The following WDR62 variants were observed in gnomAD, a reference collection of about 807,000 sequenced individuals.
The protein encoded by WDR62 is WD repeat domain 62.
In WDR62, 112 loss-of-function variants were observed where a neutral mutation model predicts 160.6. The observed-to-expected ratio is 0.70, with a 90% confidence interval of 0.60 to 0.82. The LOEUF is 0.82. Ranked by LOEUF, WDR62 falls within the 40% of genes least tolerant of loss-of-function variation. The pLI, the probability that WDR62 is intolerant of heterozygous loss-of-function variation, is 0.00. For missense variants in WDR62, 1,819 were observed against 1,983.8 expected (o/e 0.92, Z 1.58); for synonymous variants, 792 against 815.1 (o/e 0.97, Z 0.48).
At chr19:36,064,420 C>T (rs560903435) in intron 3 of WDR62, among the ~76,000 whole-genome samples, 19 of 152,128 alleles carry the variant, frequency 1.2e-4, no homozygotes, top group African/African-American at 4.3e-4. Context: ...GGACTACAGG[C>T]GCCCACCACC....
intron 20 of WDR62, among the ~76,000 whole-genome samples, chr19:36,094,858 C>T (rs1013309865): frequency 2.0e-5 from 3 of 152,002 alleles, no homozygotes; most frequent in African/African-American, 7.3e-5. Flanking sequence ...GTACCAAGAC[C>T]CCGTTCCTAC....
At chr19:36,092,142 C>G (rs1052989065) in intron 18 of WDR62, among the ~76,000 whole-genome samples, 1 of 151,874 alleles carries the variant, frequency 6.6e-6, no homozygotes, top group African/African-American at 2.4e-5. Flanking sequence ...GAAACTGTGT[C>G]TCTACTAAAA....
In WDR62 at chr19:36,104,727, C is replaced by T. The variant is rs202178135; in HGVS notation, c.4312-41C>T. 3.5e-5 allele frequency: 57 copies of T among 1,613,876 alleles called. No individual in the cohort carries two copies. In the African/African-American group the frequency reaches 6.0e-4, roughly 17 times the overall value. ...GGGTTGAGGGGTCTCTTGAGACCGC[C>T]CGGCCTTGGTGGCCCCTGACAAGGC... On this transcript the variant is annotated intron_variant, in intron 31 of 31. Transcript: ENST00000401500.
At chr19:36,068,110 TG>T (rs1971043557) in intron 7 of WDR62, 100 bp downstream of exon 7, 1 of 1,389,858 alleles carries the variant, frequency 7.2e-7, no homozygotes, top group Admixed American at 2.0e-5. Flanking sequence ...TCTGCTTATG[TG>T]ACTAGTGGTG....
At chr19:36,056,812 CTTTT>C (rs1005571081) in intron 1 of WDR62, among the ~76,000 whole-genome samples, 2 of 139,880 alleles carry the variant, frequency 1.4e-5, no homozygotes, top group Non-Finnish European at 3.1e-5. Flanking sequence ...TTTTTCTTTT[CTTTT>C]TTTTTTTTTT....
At chr19:36,080,721 C>T (rs1170160819) in intron 9 of WDR62, among the ~76,000 whole-genome samples, 1 of 152,148 alleles carries the variant, frequency 6.6e-6, no homozygotes, top group Non-Finnish European at 1.5e-5. Context: ...TCCCAAAGTG[C>T]TGAGATTACA....
At chr19:36,074,877 C>T (rs756597148) in intron 9 of WDR62, among the ~76,000 whole-genome samples, 2 of 152,190 alleles carry the variant, frequency 1.3e-5, no homozygotes. Context: ...TGCTCTCTCT[C>T]GCCCTCACCA....
rs755917693 is a variant in WDR62 at position 36,101,789 on chromosome 19, G to A, written c.3082+15G>A. The A allele has an allele frequency of 2.6e-6, 4 of 1,547,620 alleles. No homozygotes were observed. Among genetic ancestry groups the A allele is most frequent in the Non-Finnish European group, 3.5e-6 (4 of 1,143,764 alleles). On this transcript the variant is annotated intron_variant, in intron 25 of 31. Coordinates refer to ENST00000401500, the MANE Select transcript of WDR62 (RefSeq NM_001083961.2). Reference sequence around the variant, plus strand: ...CCATTTCCCAGGTAAGCAGGGGCCAGACACGCAGGGGACTCGCTGCTCGGG... The same window carrying A: ...CCATTTCCCAGGTAAGCAGGGGCCAAACACGCAGGGGACTCGCTGCTCGGG...
rs985588660 is a variant in WDR62 at position 36,092,892 on chromosome 19, G to A, written c.2333+81G>A. ...GGAGTGATGCTGGGGACACAGTGGT[G>A]GCCAAGACAGCCCTAGGCCCTGCCC... On this transcript the variant is annotated intron_variant, in intron 19 of 31. Coordinates refer to ENST00000401500, the MANE Select transcript of WDR62 (RefSeq NM_001083961.2). The A allele has an allele frequency of 6.8e-6, 11 of 1,606,236 alleles. No individual in the cohort carries two copies. In the African/African-American group the frequency reaches 1.3e-4, roughly 20 times the overall value.
intron 21 of WDR62, among the ~76,000 whole-genome samples, chr19:36,098,824 C>T (rs533094836): frequency 6.6e-6 from 1 of 152,264 alleles, no homozygotes; most frequent in African/African-American, 2.4e-5. Flanking sequence ...TCATGAATCC[C>T]AGCTGGGCAT....
rs758922011 is a variant in WDR62, at chr19:36,083,200, C to A, written c.1509C>A (p.Asp503Glu). 6.2e-7 allele frequency: 1 copy of A among 1,609,888 alleles called. No individual in the cohort carries two copies. Among genetic ancestry groups the A allele is most frequent in the African/African-American group, 1.3e-5 (1 of 74,862 alleles). The change falls in exon 11 of 32, where the codon GAC (aspartate) becomes GAA (glutamate). Residue 503 changes from aspartate to glutamate, a missense_variant. Coordinates refer to ENST00000401500, the MANE Select transcript of WDR62 (RefSeq NM_001083961.2). ...TGCGGGTCATGCAGGTCAGTCCTGACGGCCAGCATTTGGCTTCAGGCGACC... is the reference window on the plus strand; with the variant it reads ...TGCGGGTCATGCAGGTCAGTCCTGAAGGCCAGCATTTGGCTTCAGGCGACC... ...AGVRVMQVSPDGQHLASGDRS... is the reference protein window; with the variant it reads ...AGVRVMQVSPEGQHLASGDRS...
At chr19:36,084,210 A>T (rs1051674658) in intron 11 of WDR62, among the ~76,000 whole-genome samples, 5 of 152,130 alleles carry the variant, frequency 3.3e-5, no homozygotes, top group African/African-American at 1.2e-4. Flanking sequence ...GACTGATTTC[A>T]TTTGGGGAGA....
At chr19:36,105,356 A>C (rs1973686533), downstream of WDR62, among the ~76,000 whole-genome samples, 3 of 152,262 alleles carry the variant, frequency 2.0e-5, no homozygotes, top group South Asian at 6.2e-4. Context: ...GGGAGGAGCC[A>C]GACCCTCTTA....
chr19:36,081,534 C>A lies in WDR62; in HGVS notation c.1335C>A (p.Ser445Arg), dbSNP rs754993826. The change falls in exon 10 of 32, where the codon AGC becomes AGA. Residue 445 changes from serine (S) to arginine (R), a missense_variant. This residue lies in a region of WDR62 where 934 missense variants were observed against 1,157.2 expected (regional missense o/e 0.81). Transcript: ENST00000401500. ...TTCGCTTCTGGAACTTGGACAGCAG[C>A]CCTGATTCTCACTGGCAGAAAAACA... ...NTIRFWNLDS[S>R]PDSHWQKNIF... The A allele has an allele frequency of 6.2e-7, 1 of 1,614,164 alleles. No homozygotes were observed. The highest frequency in any genetic ancestry group is 2.2e-5 in the East Asian group (1 of 44,880).
At chr19:36,072,858 G>A (rs539161290) in intron 8 of WDR62, among the ~76,000 whole-genome samples, 10 of 152,272 alleles carry the variant, frequency 6.6e-5, no homozygotes, top group African/African-American at 2.2e-4. Flanking sequence ...GTGGTTGTGA[G>A]AATTTATTGC....
At chr19:36,088,057 T>C (rs541078980) in intron 13 of WDR62, among the ~76,000 whole-genome samples, 1 of 152,232 alleles carries the variant, frequency 6.6e-6, no homozygotes, top group Non-Finnish European at 1.5e-5. Flanking sequence ...TCCTCCCTTA[T>C]ATGGGGCTCA....
intron 21 of WDR62, among the ~76,000 whole-genome samples, chr19:36,099,190 C>T (rs1362350542): frequency 1.4e-5 from 2 of 143,322 alleles, no homozygotes; most frequent in Non-Finnish European, 3.0e-5. Flanking sequence ...CCACTGCACT[C>T]CAGCCTGGGA....
At chr19:36,086,004 G>A (rs561742576) in intron 12 of WDR62, among the ~76,000 whole-genome samples, 18 of 152,166 alleles carry the variant, frequency 1.2e-4, no homozygotes, top group African/African-American at 3.8e-4. Flanking sequence ...TTTCTAGGCT[G>A]GGCACGGTGG....
chr19:36,063,498 G>A (rs1406114712), intron 3 of WDR62, among the ~76,000 whole-genome samples: 17 of 152,074 alleles, frequency 1.1e-4, no homozygotes, highest in Non-Finnish European at 1.6e-4. Flanking sequence ...TGATCCACCC[G>A]CCTCGGCCTC....
Sources: gnomAD v4.1 joint callset for allele counts (sites outside exome capture counted in the v4.1 genomes callset) on GRCh38, gnomAD v4.1.1 for gene constraint, gnomAD v4.1.1 regional missense constraint, MANE v1.5 for transcripts, NCBI Gene and HGNC (gene_info 2026-07-23, HGNC 2026-07-21) for gene names.